Variants in PSD3 observed in about 807,000 individuals in gnomAD.
PSD3 encodes PH and SEC7 domain-containing protein 3.
Under a neutral mutation model 105.5 loss-of-function variants are expected in PSD3, and 49 were observed. The observed-to-expected ratio is 0.46, with a 90% CI of 0.37 to 0.59. The LOEUF is 0.59. PSD3 is among the 20% of genes least tolerant of loss of function. The pLI, the probability that PSD3 is intolerant of heterozygous loss-of-function variation, is 0.00. For missense variants in PSD3, 1,561 were observed against 1,263.8 expected, an observed-to-expected ratio of 1.24 and a Z score of -3.57; for synonymous variants, 557 against 457.8, an observed-to-expected ratio of 1.22 and a Z score of -2.77.
chr8:18,999,146 C>T (rs1826235914), intron 1 of PSD3, among the ~76,000 whole-genome samples: 1 of 151,960 alleles, frequency 6.6e-6, no homozygotes, highest in South Asian at 2.1e-4. Flanking sequence ...AAAGAATGTC[C>T]TAATGTCTCT....
At chr8:18,647,433 G>C (rs1165867117) in intron 10 of PSD3, among the ~76,000 whole-genome samples, 1 of 152,004 alleles carries the variant, frequency 6.6e-6, no homozygotes, top group East Asian at 1.9e-4. Context: ...TGAGTTGTAG[G>C]GCAATATGAA....
chr8:18,910,381 G>T (rs1482729428), intron 2 of PSD3, among the ~76,000 whole-genome samples: 1 of 119,126 alleles, frequency 8.4e-6, no homozygotes, highest in Non-Finnish European at 1.7e-5. Context: ...GTAAACTATC[G>T]CAAGAACAAA....
intron 1 of PSD3, among the ~76,000 whole-genome samples, chr8:19,058,669 T>A (rs1200748716): frequency 6.6e-6 from 1 of 152,048 alleles, no homozygotes; most frequent in Non-Finnish European, 1.5e-5. Flanking sequence ...CTAAATTGGG[T>A]GATTAAGCAC....
intron 1 of PSD3, among the ~76,000 whole-genome samples, chr8:19,069,402 G>A (rs568468282): frequency 3.9e-5 from 6 of 152,310 alleles, no homozygotes; most frequent in African/African-American, 1.4e-4. Context: ...AGAATTGGAA[G>A]AGGGGGCCAG....
intron 1 of PSD3, among the ~76,000 whole-genome samples, chr8:18,949,173 G>A (rs1379161482): frequency 8.0e-6 from 1 of 125,596 alleles, no homozygotes; most frequent in Non-Finnish European, 1.6e-5. Context: ...AGTGAGCCGA[G>A]ATTGTGCCAC....
chr8:18,655,409 C>A (rs1039530141), intron 10 of PSD3, among the ~76,000 whole-genome samples: 3 of 151,818 alleles, frequency 2.0e-5, no homozygotes, highest in African/African-American at 4.8e-5. Context: ...TAGGAACACA[C>A]TGAGTACCAA....
At chr8:18,732,301 C>T (rs961478324) in intron 9 of PSD3, among the ~76,000 whole-genome samples, 2 of 152,216 alleles carry the variant, frequency 1.3e-5, no homozygotes, top group East Asian at 1.9e-4. Flanking sequence ...CTGGACACAC[C>T]GTAAACAGAT....
At chr8:18,840,611 G>A (rs993762271) in intron 4 of PSD3, among the ~76,000 whole-genome samples, 1 of 152,208 alleles carries the variant, frequency 6.6e-6, no homozygotes, top group Admixed American at 6.5e-5. Flanking sequence ...ATGTCCACCT[G>A]GCAGATGAGG....
intron 12 of PSD3, among the ~76,000 whole-genome samples, chr8:18,595,024 A>T (rs559181455): frequency 1.3e-5 from 2 of 152,166 alleles, no homozygotes; most frequent in East Asian, 3.9e-4. Context: ...AATGACTTTT[A>T]ACTCTGGTAT....
At chr8:18,663,032 C>T (rs578098479) in intron 9 of PSD3, among the ~76,000 whole-genome samples, 36 of 152,252 alleles carry the variant, frequency 2.4e-4, no homozygotes, top group Admixed American at 2.0e-3. Flanking sequence ...ACCACCATTT[C>T]TTCATTATTA....
At chr8:18,972,393 T>G (rs1195799883) in intron 1 of PSD3, among the ~76,000 whole-genome samples, 1 of 152,216 alleles carries the variant, frequency 6.6e-6, no homozygotes, top group Non-Finnish European at 1.5e-5. Flanking sequence ...CAGACAGATG[T>G]GATCAAAGAG....
intron 9 of PSD3, among the ~76,000 whole-genome samples, chr8:18,673,337 T>C (rs1330589871): frequency 2.0e-5 from 3 of 152,164 alleles, no homozygotes; most frequent in South Asian, 4.1e-4. Context: ...ATAGACATTA[T>C]TCATGGGGCA....
intron 12 of PSD3, among the ~76,000 whole-genome samples, chr8:18,593,560 G>C (rs1305760032): frequency 6.6e-6 from 1 of 152,156 alleles, no homozygotes; most frequent in African/African-American, 2.4e-5. Context: ...GTGGAAGACA[G>C]TGTGGTGATT....
intron 8 of PSD3, among the ~76,000 whole-genome samples, chr8:18,797,555 C>G (rs963881980): frequency 1.3e-4 from 20 of 152,152 alleles, no homozygotes; most frequent in African/African-American, 4.3e-4. Flanking sequence ...CACAGCTCAT[C>G]TAGACATCAA....
chr8:18,916,363 C>CAT (rs1820604237), intron 2 of PSD3, among the ~76,000 whole-genome samples: 1 of 75,954 alleles, frequency 1.3e-5, no homozygotes, highest in African/African-American at 5.6e-5. Context: ...CACACACACA[C>CAT]ACACACACAC....
chr8:18,862,803 T>C, intron 4 of PSD3, among the ~76,000 whole-genome samples: 1 of 146,202 alleles, frequency 6.8e-6, no homozygotes, highest in African/African-American at 2.6e-5. Flanking sequence ...GGACAAACAA[T>C]ACAGATAGAG....
chr8:18,700,355 C>G (rs1260925678), intron 9 of PSD3, among the ~76,000 whole-genome samples: 2 of 152,090 alleles, frequency 1.3e-5, no homozygotes, highest in Admixed American at 6.6e-5. Context: ...AATGAGTTAT[C>G]TATACATTAT....
intron 10 of PSD3, among the ~76,000 whole-genome samples, chr8:18,643,802 C>T (rs1228036594): frequency 6.6e-6 from 1 of 152,220 alleles, no homozygotes; most frequent in Non-Finnish European, 1.5e-5. Context: ...TATCCCACAT[C>T]TTTTGAAATC....
At chr8:18,661,498 A>G (rs915272307) in intron 9 of PSD3, among the ~76,000 whole-genome samples, 5 of 152,206 alleles carry the variant, frequency 3.3e-5, no homozygotes, top group Non-Finnish European at 7.3e-5. Context: ...AAAACTCAAA[A>G]TACTTTGCAA....
Sources: allele counts gnomAD v4.1 joint callset (sites outside exome capture counted in the v4.1 genomes callset), GRCh38; gene constraint gnomAD v4.1.1; transcripts MANE v1.5; gene names NCBI Gene and HGNC (gene_info 2026-07-23, HGNC 2026-07-21).